Variants in RALYL observed in about 807,000 individuals in gnomAD.
RALYL encodes RALY RNA binding protein like.
In RALYL, 29 loss-of-function variants were observed where a neutral mutation model predicts 35.1. That is an observed-to-expected ratio of 0.83 (90% CI 0.61 to 1.13). RALYL has a LOEUF of 1.13. Ranked by LOEUF, RALYL falls within the 50% of genes most tolerant of loss-of-function variation. RALYL has a pLI of 0.00. For missense variants in RALYL, 359 were observed against 360.4 expected, an observed-to-expected ratio of 1.00 and a Z score of 0.03; for synonymous variants, 120 against 127.6, an observed-to-expected ratio of 0.94 and a Z score of 0.40.
intron 1 of RALYL, among the ~76,000 whole-genome samples, chr8:84,247,817 G>T (rs1049078322): frequency 3.3e-5 from 5 of 152,118 alleles, no homozygotes; most frequent in Non-Finnish European, 7.4e-5. Context: ...AAAACAGTCT[G>T]CCAGAGTTTC....
At chr8:84,812,726 T>A (rs939857806) in intron 4 of RALYL, among the ~76,000 whole-genome samples, 2 of 152,018 alleles carry the variant, frequency 1.3e-5, no homozygotes, top group African/African-American at 4.8e-5. Context: ...CTTAACCAGC[T>A]CCCATGCAAA....
chr8:84,291,567 A>T (rs536011030), intron 1 of RALYL, among the ~76,000 whole-genome samples: 29 of 152,280 alleles, frequency 1.9e-4, no homozygotes, highest in Non-Finnish European at 3.2e-4. Flanking sequence ...AACTTAAGCC[A>T]ACATATTAAT....
chr8:84,457,354 T>C (rs975500776), intron 1 of RALYL, among the ~76,000 whole-genome samples: 1 of 151,998 alleles, frequency 6.6e-6, no homozygotes, highest in Non-Finnish European at 1.5e-5. Context: ...TTAAATACTT[T>C]TTGATGGCAG....
At position 84,702,517 on chromosome 8, in the gene RALYL, A is replaced by G. The variant is rs111391775; in HGVS notation, c.257-72062A>G. On this transcript the variant is annotated intron_variant, in intron 2 of 8. Coordinates refer to ENST00000521268, the MANE Select transcript of RALYL (RefSeq NM_173848.7). ...GTATATTTAGCATAGGGCTAGTTGC[A>G]TAGTCTCTCTCTCTCTCTCTCTCAC... 8.5e-3 allele frequency among the ~76,000 whole-genome samples: 1,242 copies of G among 146,234 alleles called. 15 individuals are homozygous for G. Among genetic ancestry groups the G allele is most frequent in the African/African-American group, 0.03 (1,154 of 38,666 alleles).
intron 1 of RALYL, among the ~76,000 whole-genome samples, chr8:84,188,675 C>A (rs1298888569): frequency 6.6e-6 from 1 of 152,100 alleles, no homozygotes; most frequent in East Asian, 1.9e-4. Flanking sequence ...ACACTGTTAA[C>A]AAGTTTACAT....
At position 84,251,328 on chromosome 8, in the gene RALYL, C is replaced by G. The variant is rs553327509; in HGVS notation, c.-24+66904C>G. On this transcript the variant is annotated intron_variant, in intron 1 of 8. Transcript: ENST00000521268. ...TCTGCAAAGATACTGTCTTGGGATACAGAAACAAAGTTGTTAGTATATTTA... is the reference window on the plus strand; with the variant it reads ...TCTGCAAAGATACTGTCTTGGGATAGAGAAACAAAGTTGTTAGTATATTTA... Among the ~76,000 whole-genome samples the G allele has an allele frequency of 3.9e-5, 6 of 152,208 alleles. No homozygotes were observed. In the South Asian group the frequency reaches 1.2e-3, roughly 32 times the overall value.
At chr8:84,913,458 T>C (rs1408934159) in intron 8 of RALYL, among the ~76,000 whole-genome samples, 1 of 152,096 alleles carries the variant, frequency 6.6e-6, no homozygotes, top group Non-Finnish European at 1.5e-5. Flanking sequence ...GTTTTATTTA[T>C]CTTGATCTAT....
At chr8:84,626,066 T>A (rs1490475002) in intron 2 of RALYL, among the ~76,000 whole-genome samples, 2 of 152,046 alleles carry the variant, frequency 1.3e-5, no homozygotes, top group Non-Finnish European at 2.9e-5. Context: ...TGATAAATAT[T>A]TAGGAAGTAA....
At chr8:84,649,416 C>G (rs1284565936) in intron 2 of RALYL, among the ~76,000 whole-genome samples, 2 of 151,518 alleles carry the variant, frequency 1.3e-5, no homozygotes, top group Admixed American at 6.6e-5. Context: ...GGTTTTAGGT[C>G]TAACGTTTAA....
intron 2 of RALYL, among the ~76,000 whole-genome samples, chr8:84,557,233 T>C (rs2061185769): frequency 6.6e-6 from 1 of 152,228 alleles, no homozygotes; most frequent in Non-Finnish European, 1.5e-5. Flanking sequence ...AATTAATTCA[T>C]CTTGCTTAAG....
At chr8:84,522,394 C>T (rs1436563690) in intron 1 of RALYL, among the ~76,000 whole-genome samples, 11 of 150,912 alleles carry the variant, frequency 7.3e-5, no homozygotes, top group South Asian at 4.2e-4. Context: ...GGACTACAGG[C>T]GCCCGCCACT....
chr8:84,482,584 A>T (rs1366644993), intron 1 of RALYL, among the ~76,000 whole-genome samples: 1 of 152,108 alleles, frequency 6.6e-6, no homozygotes, highest in Non-Finnish European at 1.5e-5. Flanking sequence ...AATGGTCATG[A>T]AAAGAGACCA....
At chr8:84,462,162 T>A (rs2050870248) in intron 1 of RALYL, among the ~76,000 whole-genome samples, 2 of 151,568 alleles carry the variant, frequency 1.3e-5, no homozygotes, top group African/African-American at 4.8e-5. Flanking sequence ...CTAAGGTGTG[T>A]AGTGATATCT....
chr8:84,215,533 A>T (rs141245971), intron 1 of RALYL, among the ~76,000 whole-genome samples: 1 of 139,880 alleles, frequency 7.1e-6, no homozygotes, highest in East Asian at 2.0e-4. Context: ...TTATTTATGC[A>T]TAAGGTTTTT....
intron 2 of RALYL, among the ~76,000 whole-genome samples, chr8:84,551,453 G>T (rs978791976): frequency 6.6e-6 from 1 of 152,082 alleles, no homozygotes; most frequent in Admixed American, 6.5e-5. Flanking sequence ...GATGAAGATG[G>T]TATAAATAAG....
chr8:84,194,437 C>T lies in RALYL; in HGVS notation c.-24+10013C>T, dbSNP rs532097873. On this transcript the variant is annotated intron_variant, in intron 1 of 8. Transcript: ENST00000521268. ...ATAGATATGTAATGTGTTTGTGTAT[C>T]TTGCTTACATTTGAAAAGAATTTTC... Among the ~76,000 whole-genome samples, 17 of 151,870 alleles carry T rather than the reference C, an allele frequency of 1.1e-4. No individual in the cohort carries two copies. In the South Asian group the frequency reaches 3.5e-3, roughly 32 times the overall value.
At chr8:84,701,653 G>C (rs910332777) in intron 2 of RALYL, among the ~76,000 whole-genome samples, 1 of 152,172 alleles carries the variant, frequency 6.6e-6, no homozygotes, top group African/African-American at 2.4e-5. Context: ...ATCAGGAAGA[G>C]AGGGGGTGAG....
intron 4 of RALYL, among the ~76,000 whole-genome samples, chr8:84,831,746 T>C (rs920438993): frequency 1.3e-5 from 2 of 152,090 alleles, no homozygotes; most frequent in African/African-American, 4.8e-5. Flanking sequence ...ATTCATGATT[T>C]AGGGATAAAA....
At chr8:84,899,756 G>A (rs1054010705) in intron 8 of RALYL, among the ~76,000 whole-genome samples, 2 of 152,128 alleles carry the variant, frequency 1.3e-5, no homozygotes, top group African/African-American at 2.4e-5. Flanking sequence ...TCTCCCACGA[G>A]TGATAGAAAT....
Sources: gnomAD v4.1 joint callset for allele counts (sites outside exome capture counted in the v4.1 genomes callset) on GRCh38, gnomAD v4.1.1 for gene constraint, MANE v1.5 for transcripts, NCBI Gene and HGNC (gene_info 2026-07-23, HGNC 2026-07-21) for gene names.